RGS12: variants seen among roughly 807,000 people sequenced by gnomAD.
RGS12 encodes the protein regulator of G-protein signaling 12.
RGS12 carries 66 observed loss-of-function variants against 120.1 expected under a neutral mutation model. The observed-to-expected ratio is 0.55, with a 90% CI of 0.45 to 0.67. The LOEUF (loss-of-function observed/expected upper bound fraction) is 0.67. Among genes scored for constraint, RGS12 ranks in the 30% least tolerant of loss-of-function variants. RGS12 has a pLI of 0.00. For synonymous variants in RGS12, 827 were observed against 804.7 expected (o/e 1.03, Z -0.47); for missense variants, 1,859 against 1,957.7 (o/e 0.95, Z 0.95).
chr4:3,433,423 C>T lies in RGS12; in HGVS notation c.4114+2468C>T, dbSNP rs980431396. Among the ~76,000 whole-genome samples the T allele has an allele frequency of 6.6e-5, 10 of 152,150 alleles. 1 individual carries two copies. In the South Asian group the frequency reaches 1.0e-3, roughly 16 times the overall value. On this transcript the variant is annotated intron_variant, in intron 17 of 17. Transcript: ENST00000336727. The surrounding 1 kb of genome is among the most constrained non-coding windows in gnomAD (Gnocchi z 4.4). ...GCTGTGCCACACCACTTTGCCCTTC[C>T]AGCCTCAGTGCCATGCACTGTGCCA...
intron 17 of RGS12, among the ~76,000 whole-genome samples, chr4:3,434,726 C>G (rs1360577079): frequency 1.3e-5 from 2 of 152,226 alleles, no homozygotes; most frequent in Admixed American, 6.5e-5. Flanking sequence ...TCTGTACGCG[C>G]CATCTTAAAA....
intron 1 of RGS12, among the ~76,000 whole-genome samples, chr4:3,294,550 G>A (rs1054626457): frequency 1.5e-4 from 23 of 152,234 alleles, no homozygotes; most frequent in African/African-American, 4.8e-4. Context: ...ATGGGTATCC[G>A]GTGCCCGGGC....
intron 2 of RGS12, among the ~76,000 whole-genome samples, chr4:3,333,104 A>AG (rs1435757544): frequency 2.1e-5 from 3 of 146,170 alleles, no homozygotes; most frequent in African/African-American, 7.7e-5. Flanking sequence ...GCTGGAGTGC[A>AG]GTGGCGCGAT....
intron 10 of RGS12, 66 bp downstream of exon 10, chr4:3,420,784 C>T (rs190332203): frequency 2.3e-6 from 3 of 1,298,224 alleles, no homozygotes; most frequent in Admixed American, 1.9e-5. Flanking sequence ...CTGATGACAC[C>T]TCTCTCCCAT....
Position 3,317,821 on chromosome 4 carries a change from A to G in RGS12, c.1651A>G (p.Thr551Ala), listed in dbSNP as rs2110409804. 1 of 1,613,140 alleles carries G rather than the reference A, an allele frequency of 6.2e-7. No individual in the cohort carries two copies. Among genetic ancestry groups the G allele is most frequent in the African/African-American group, 1.3e-5 (1 of 75,042 alleles). Residue 551 changes from threonine (T) to alanine (A), a missense_variant, in exon 2 of 18, where the codon ACC becomes GCC. Transcript: ENST00000336727. ...GCTCCGGGAGTGGCAGTGCGGACAC[A>G]CCAGCGACCAGGACTCTTACACAGA... ...HVLREWQCGH[T>A]SDQDSYTDST... is the part of the protein sequence containing the mutation.
At chr4:3,311,642 G>C (rs1426777054) in intron 1 of RGS12, among the ~76,000 whole-genome samples, 1 of 152,164 alleles carries the variant, frequency 6.6e-6, no homozygotes, top group African/African-American at 2.4e-5. Context: ...CACAAACCTT[G>C]TTTCATGCAC....
At chr4:3,347,273 T>G (rs1713892185) in intron 3 of RGS12, among the ~76,000 whole-genome samples, 1 of 152,002 alleles carries the variant, frequency 6.6e-6, no homozygotes, top group African/African-American at 2.4e-5. Flanking sequence ...TGAGACCCCG[T>G]CTCTACTAAA....
chr4:3,414,454 C>G, intron 5 of RGS12: 1 of 614,126 alleles, frequency 1.6e-6, no homozygotes, highest in Non-Finnish European at 2.8e-6. Flanking sequence ...GGGAGCGTCC[C>G]TGGCCCTCCC....
intron 4 of RGS12, among the ~76,000 whole-genome samples, chr4:3,406,887 T>C (rs904034805): frequency 1.3e-5 from 2 of 152,220 alleles, no homozygotes; most frequent in African/African-American, 2.4e-5. Flanking sequence ...GTTGTAAAAA[T>C]GTTCCTTATG....
chr4:3,294,893 C>T (rs1046724976), intron 1 of RGS12, among the ~76,000 whole-genome samples: 3 of 152,116 alleles, frequency 2.0e-5, no homozygotes, highest in South Asian at 2.1e-4. Flanking sequence ...AGGCCCCTCA[C>T]GTGGACTGGA....
At chr4:3,408,471 C>T (rs1000547911) in intron 4 of RGS12, among the ~76,000 whole-genome samples, 5 of 152,174 alleles carry the variant, frequency 3.3e-5, no homozygotes, top group Non-Finnish European at 7.3e-5. Context: ...AAGTCACCTG[C>T]ATGAATTTTG....
intron 4 of RGS12, among the ~76,000 whole-genome samples, chr4:3,399,452 C>G (rs1300659336): frequency 6.6e-6 from 1 of 152,028 alleles, no homozygotes; most frequent in Non-Finnish European, 1.5e-5. Flanking sequence ...AAAACACCAT[C>G]TCTACAAAAA....
intron 1 of RGS12, among the ~76,000 whole-genome samples, chr4:3,315,515 A>G (rs6825065): frequency 0.026 from 3,892 of 152,286 alleles, 164 homozygotes; most frequent in African/African-American, 0.088. Context: ...TTAATGTGGG[A>G]GGGTCATGGA....
intron 1 of RGS12, among the ~76,000 whole-genome samples, chr4:3,310,657 C>A (rs775967967): frequency 1.3e-5 from 2 of 151,490 alleles, no homozygotes; most frequent in Admixed American, 1.3e-4. Context: ...GGTATCAGAT[C>A]GTCTGGTGTG....
chr4:3,380,209 T>A (rs553562031), intron 3 of RGS12, among the ~76,000 whole-genome samples: 1 of 152,360 alleles, frequency 6.6e-6, no homozygotes, highest in South Asian at 2.1e-4. Context: ...ATGATCTCCT[T>A]TGACTCCCAT....
At chr4:3,369,882 A>G (rs1716781737) in intron 3 of RGS12, 1 of 365,498 alleles carries the variant, frequency 2.7e-6, no homozygotes, top group East Asian at 1.3e-4. Flanking sequence ...GAGGCTTAGA[A>G]TAGATTCATT....
chr4:3,383,367 G>A (rs1318043500), intron 3 of RGS12, among the ~76,000 whole-genome samples: 2 of 152,142 alleles, frequency 1.3e-5, no homozygotes, highest in African/African-American at 4.8e-5. Flanking sequence ...AGCACTTTGA[G>A]AGGTCAAGGT....
Position 3,398,666 on chromosome 4 carries a change from G to A in RGS12, c.2020+12229G>A, listed in dbSNP as rs142610406. Among the ~76,000 whole-genome samples, 463 of 151,908 alleles carry A rather than the reference G, an allele frequency of 3.0e-3. 8 individuals carry two copies. The highest frequency in any genetic ancestry group is 0.028 in the Admixed American group (430 of 15,240). On this transcript the variant is annotated intron_variant, in intron 4 of 17. Transcript: ENST00000336727. Reference sequence around the variant, plus strand: ...TTTGCAGAACAGAAGTAAATGGCACGGTATCAACATGGGTAAGTACTCCGA... The same window carrying A: ...TTTGCAGAACAGAAGTAAATGGCACAGTATCAACATGGGTAAGTACTCCGA...
intron 4 of RGS12, among the ~76,000 whole-genome samples, chr4:3,393,362 G>T: frequency 6.6e-6 from 1 of 152,094 alleles, no homozygotes; most frequent in Non-Finnish European, 1.5e-5. Context: ...GCACAGCTTA[G>T]AACTCAGCCA....
Sources: allele counts gnomAD v4.1 joint callset (sites outside exome capture counted in the v4.1 genomes callset), GRCh38; gene constraint gnomAD v4.1.1; non-coding constraint Gnocchi (gnomAD v3.1); transcripts MANE v1.5; gene names NCBI Gene and HGNC (gene_info 2026-07-23, HGNC 2026-07-21).